Variants in PCDHA6 observed in about 807,000 individuals in gnomAD.
The protein encoded by PCDHA6 is protocadherin alpha 6, also known as protocadherin alpha-6.
In PCDHA6, 55 loss-of-function variants were observed where a neutral mutation model predicts 60.3. That is an observed-to-expected ratio of 0.91 (90% CI 0.73 to 1.14). PCDHA6 has a LOEUF of 1.14. PCDHA6 is among the 50% of genes most tolerant of loss of function. PCDHA6 has a pLI of 0.00. For missense variants in PCDHA6, 1,327 were observed against 1,256.5 expected, an observed-to-expected ratio of 1.06 and a Z score of -0.85; for synonymous variants, 652 against 557.9, an observed-to-expected ratio of 1.17 and a Z score of -2.38.
intron 1 of PCDHA6, among the ~76,000 whole-genome samples, chr5:140,946,611 A>AAT (rs1554217734): frequency 0.018 from 1,579 of 86,716 alleles, 89 homozygotes; most frequent in African/African-American, 0.026. Flanking sequence ...GAAAATGTGA[A>AAT]ATATATATAT....
intron 1 of PCDHA6, among the ~76,000 whole-genome samples, chr5:140,890,396 A>C (rs1466548320): frequency 1.3e-5 from 2 of 152,134 alleles, no homozygotes; most frequent in African/African-American, 4.8e-5. Context: ...ATAATCTATA[A>C]ATTTTAACTT....
At chr5:140,970,366 A>G (rs1438755786) in intron 1 of PCDHA6, among the ~76,000 whole-genome samples, 2 of 152,196 alleles carry the variant, frequency 1.3e-5, no homozygotes, top group Admixed American at 1.3e-4. Context: ...TTGATTTGCT[A>G]TAGCTTCAAA....
At position 141,011,407 on chromosome 5, in the gene PCDHA6, G is replaced by A. The variant is rs782613069; in HGVS notation, c.*1470G>A. On this transcript the variant is annotated 3_prime_UTR_variant, in exon 4 of 4. Coordinates refer to ENST00000529310, the MANE Select transcript of PCDHA6 (RefSeq NM_018909.4). ...TGAAATATACTTACTCTGTGCTTGT[G>A]TATGTGAATGTTAATGCAACTATTA... is the stretch of plus-strand genomic sequence containing the variant. The A allele has an allele frequency of 2.0e-5, 3 of 153,718 alleles. No individual in the cohort carries two copies. The highest frequency in any genetic ancestry group is 6.5e-5 in the Admixed American group (1 of 15,284). The allele number at this position is 153,718 out of a possible 1,614,324, so 9.5% of individuals were successfully genotyped here.
At chr5:140,863,975 T>G (rs1429361559) in intron 1 of PCDHA6, 2 of 153,508 alleles carry the variant, frequency 1.3e-5, no homozygotes, top group Non-Finnish European at 2.9e-5. Context: ...CACTACAGCC[T>G]GGGAGACAGG....
chr5:140,909,117 G>T lies in PCDHA6; in HGVS notation c.2395-69832G>T, dbSNP rs576916273. Among the ~76,000 whole-genome samples the T allele has an allele frequency of 1.1e-4, 16 of 152,272 alleles. No homozygotes were observed. The South Asian group carries it at 3.1e-3, about 30-fold the overall frequency. On this transcript the variant is annotated intron_variant, in intron 1 of 3. Transcript: ENST00000529310. ...ACTCACTGGGTCCAATCAGCAAAAT[G>T]TCATCAAGGTAATGAACCAGTGTGA...
intron 1 of PCDHA6, chr5:140,884,758 C>A (rs1582804628): frequency 2.1e-6 from 3 of 1,424,736 alleles, no homozygotes; most frequent in East Asian, 2.5e-5. Context: ...TCAAATTATT[C>A]TTTACTTTAA....
At chr5:140,870,543 CGCGGACGCGCAG>C in intron 1 of PCDHA6, 1 of 1,614,114 alleles carries the variant, frequency 6.2e-7, no homozygotes, top group Non-Finnish European at 8.5e-7. Context: ...CGGCGCGGGA[CGCGGACGCGCAG>C]GAGAACGCGC....
In PCDHA6 at chr5:140,852,152, C is replaced by T. The variant is rs1163475400; in HGVS notation, c.2394+21667C>T. The T allele has an allele frequency of 5.8e-6, 5 of 861,034 alleles. 1 individual carries two copies. The highest frequency in any genetic ancestry group is 1.2e-3 in the Middle Eastern group (2 of 1,666). The allele number at this position is 861,034 out of a possible 1,614,324, so 53.3% of individuals were successfully genotyped here. ...CTCAGTAGAGAAAGATCAGAATGGC[C>T]TTGAGAATAGAGCCACAAAAATAAC... On this transcript the variant is annotated intron_variant, in intron 1 of 3. Transcript: ENST00000529310.
At chr5:140,991,109 C>A (rs987847767) in intron 3 of PCDHA6, among the ~76,000 whole-genome samples, 1 of 152,156 alleles carries the variant, frequency 6.6e-6, no homozygotes, top group Non-Finnish European at 1.5e-5. Flanking sequence ...AATTAAGTGG[C>A]TTTCTTACAT....
rs781893809 is a variant in PCDHA6 at position 140,883,492 on chromosome 5, G to T, written c.2394+53007G>T. On this transcript the variant is annotated intron_variant, in intron 1 of 3. Transcript: ENST00000529310. ...CCTACAAGAACTACTACTCATTAGT[G>T]CTGGACAGCGCCCTGGACCGCGAGA... The T allele has an allele frequency of 4.3e-5, 69 of 1,614,058 alleles. 1 individual carries two copies. In the South Asian group the frequency reaches 7.5e-4, roughly 17 times the overall value.
chr5:140,986,106 G>A (rs2097187379), intron 3 of PCDHA6, among the ~76,000 whole-genome samples: 2 of 152,116 alleles, frequency 1.3e-5, no homozygotes, highest in Non-Finnish European at 2.9e-5. Context: ...AAAAGCCTAA[G>A]ATAAAGATGC....
At chr5:140,906,963 G>C (rs150934602) in intron 1 of PCDHA6, among the ~76,000 whole-genome samples, 2 of 152,216 alleles carry the variant, frequency 1.3e-5, no homozygotes, top group African/African-American at 4.8e-5. Context: ...TAATGGAATC[G>C]TGGTTGTGTC....
intron 1 of PCDHA6, among the ~76,000 whole-genome samples, chr5:140,923,269 T>C (rs1554201320): frequency 6.6e-6 from 1 of 152,218 alleles, no homozygotes; most frequent in Non-Finnish European, 1.5e-5. Flanking sequence ...TGAGACCTTG[T>C]CTCTACAAAA....
At chr5:140,962,174 C>T (rs1365738124) in intron 1 of PCDHA6, among the ~76,000 whole-genome samples, 1 of 152,100 alleles carries the variant, frequency 6.6e-6, no homozygotes, top group Admixed American at 6.6e-5. Context: ...CACACCCGGC[C>T]ACTTATATCA....
intron 1 of PCDHA6, among the ~76,000 whole-genome samples, chr5:140,844,595 AT>A (rs1205514835): frequency 1.2e-4 from 18 of 149,668 alleles, no homozygotes; most frequent in Middle Eastern, 3.5e-3. Context: ...GATATTTAAT[AT>A]ATGACTTAGA....
chr5:140,987,797 T>A (rs967250070), intron 3 of PCDHA6, among the ~76,000 whole-genome samples: 23 of 152,308 alleles, frequency 1.5e-4, no homozygotes, highest in African/African-American at 4.3e-4. Flanking sequence ...AAGATTTTTT[T>A]AAAGTGCCTG....
intron 1 of PCDHA6, chr5:140,854,321 C>A: frequency 3.7e-6 from 1 of 267,696 alleles, no homozygotes; most frequent in Non-Finnish European, 5.7e-6. Context: ...TGATCAATGG[C>A]AAACTTATTT....
intron 1 of PCDHA6, chr5:140,871,141 C>G: frequency 6.2e-7 from 1 of 1,613,438 alleles, no homozygotes; most frequent in Non-Finnish European, 8.5e-7. Context: ...GGCCTCTTCC[C>G]GGACTTTGGC....
intron 1 of PCDHA6, chr5:140,834,405 G>A (rs2150216867): frequency 1.9e-6 from 3 of 1,607,688 alleles, no homozygotes; most frequent in Admixed American, 1.7e-5. Flanking sequence ...GAATGGATAC[G>A]ACCCAGGGGG....
Sources: allele counts gnomAD v4.1 joint callset (sites outside exome capture counted in the v4.1 genomes callset), GRCh38; gene constraint gnomAD v4.1.1; transcripts MANE v1.5; gene names NCBI Gene and HGNC (gene_info 2026-07-23, HGNC 2026-07-21).